The following PIP4K2A variants were observed in gnomAD, a reference collection of about 807,000 sequenced individuals.
PIP4K2A encodes the protein phosphatidylinositol-5-phosphate 4-kinase type 2 alpha.
In PIP4K2A, 14 loss-of-function variants were observed where a neutral mutation model predicts 42.9. The ratio of observed to expected loss-of-function variants is 0.33; its 90% CI spans 0.22 to 0.51. The LOEUF is 0.51. Ranked by LOEUF, PIP4K2A falls within the 20% of genes least tolerant of loss-of-function variation. PIP4K2A has a pLI of 0.97. For synonymous variants in PIP4K2A, 192 were observed against 192.2 expected, an observed-to-expected ratio of 1.00 and a Z score of 0.01; for missense variants, 434 against 519.8, an observed-to-expected ratio of 0.83 and a Z score of 1.61.
chr10:22,631,430 AG>A (rs1180787963), intron 1 of PIP4K2A, among the ~76,000 whole-genome samples: 1 of 152,160 alleles, frequency 6.6e-6, no homozygotes, highest in Non-Finnish European at 1.5e-5. Flanking sequence ...ATGTGAGGAC[AG>A]GGGCAGAAGG....
intron 1 of PIP4K2A, among the ~76,000 whole-genome samples, chr10:22,651,429 C>T (rs928699060): frequency 1.3e-5 from 2 of 152,202 alleles, no homozygotes; most frequent in Non-Finnish European, 2.9e-5. Context: ...CCTTTCACTC[C>T]GATCACCCCG....
chr10:22,679,131 G>C (rs1263522294), intron 1 of PIP4K2A, among the ~76,000 whole-genome samples: 1 of 152,144 alleles, frequency 6.6e-6, no homozygotes, highest in Non-Finnish European at 1.5e-5. Context: ...TACTATCAAA[G>C]TGAAAAGAAA....
rs1837517578 is a variant in PIP4K2A, at chr10:22,591,751, T to C, written c.370A>G (p.Asn124Asp). ...GCTCCACTGCGGGCCTGGGAGTCGT[T>C]GGGGAGGGGTGCGCTCCTGGTCAGG... ...NSLTRSAPLP[N>D]DSQARSGARF... The change falls in exon 4 of 10, where the codon AAC becomes GAC. Residue 124 changes from asparagine (N) to aspartate (D), a missense_variant. Transcript: ENST00000376573. The C allele has an allele frequency of 6.2e-7, 1 of 1,612,726 alleles. No homozygotes were observed. Among genetic ancestry groups the C allele is most frequent in the South Asian group, 1.1e-5 (1 of 90,872 alleles).
chr10:22,595,920 A>C (rs1837623782), intron 3 of PIP4K2A, among the ~76,000 whole-genome samples: 1 of 151,806 alleles, frequency 6.6e-6, no homozygotes, highest in African/African-American at 2.4e-5. Context: ...AAATGGATTT[A>C]CTCAGCCGGG....
chr10:22,704,272 G>A (rs1187237096), intron 1 of PIP4K2A, among the ~76,000 whole-genome samples: 1 of 152,070 alleles, frequency 6.6e-6, no homozygotes, highest in Non-Finnish European at 1.5e-5. Context: ...AGTGGCTAGT[G>A]AAGCAGAAGG....
intron 1 of PIP4K2A, among the ~76,000 whole-genome samples, chr10:22,623,424 T>C (rs933277586): frequency 6.6e-6 from 1 of 152,084 alleles, no homozygotes; most frequent in Admixed American, 6.5e-5. Context: ...GTCGCAAGGG[T>C]CTTCCACAAG....
intron 3 of PIP4K2A, among the ~76,000 whole-genome samples, chr10:22,606,195 T>C (rs896470992): frequency 6.6e-6 from 1 of 151,098 alleles, no homozygotes; most frequent in Admixed American, 6.6e-5. Flanking sequence ...CCTGTAGTCC[T>C]AGCTACTCTG....
intron 5 of PIP4K2A, 150 bp downstream of exon 5, chr10:22,573,161 A>G: frequency 1.5e-6 from 1 of 668,082 alleles, no homozygotes; most frequent in South Asian, 1.9e-5. Context: ...GCAAGCACTT[A>G]TTGCCTCACA....
chr10:22,711,989 T>C (rs1370388725), intron 1 of PIP4K2A, among the ~76,000 whole-genome samples: 1 of 152,204 alleles, frequency 6.6e-6, no homozygotes, highest in Non-Finnish European at 1.5e-5. Flanking sequence ...GATAAAAATA[T>C]TAGAGGTGTT....
intron 4 of PIP4K2A, among the ~76,000 whole-genome samples, chr10:22,582,405 T>C (rs927938913): frequency 1.3e-5 from 2 of 152,020 alleles, no homozygotes; most frequent in Non-Finnish European, 1.5e-5. Flanking sequence ...TGACTGAAGG[T>C]TGAAGCAGAA....
At chr10:22,607,138 TGGATTTCCACTTTTAAAAAAAATCCTTA>T in intron 3 of PIP4K2A, among the ~76,000 whole-genome samples, 1 of 152,220 alleles carries the variant, frequency 6.6e-6, no homozygotes, top group Non-Finnish European at 1.5e-5. Context: ...ACCTGTCCCT[TGGATTTCCACTTTTAAAAAAAATCCTTA>T]GCATTTACGA....
intron 1 of PIP4K2A, among the ~76,000 whole-genome samples, chr10:22,645,556 AAAAAAAAAAGAAAAG>A (rs1838862065): frequency 6.6e-6 from 1 of 151,660 alleles, no homozygotes; most frequent in Non-Finnish European, 1.5e-5. Context: ...CTTTAAAAAA[AAAAAAAAAAGAAAAG>A]AAAAGAAAAG....
chr10:22,666,883 C>A (rs1839363334), intron 1 of PIP4K2A, among the ~76,000 whole-genome samples: 1 of 152,204 alleles, frequency 6.6e-6, no homozygotes, highest in Non-Finnish European at 1.5e-5. Context: ...GAACAACCAA[C>A]ATCCACATCT....
intron 1 of PIP4K2A, among the ~76,000 whole-genome samples, chr10:22,638,346 T>C (rs747204229): frequency 1.4e-4 from 21 of 152,230 alleles, no homozygotes; most frequent in Non-Finnish European, 2.5e-4. Flanking sequence ...GTCTCCATAT[T>C]AAGTTTCTAT....
At chr10:22,618,352 C>A (rs570490294) in intron 1 of PIP4K2A, among the ~76,000 whole-genome samples, 70 of 152,262 alleles carry the variant, frequency 4.6e-4, no homozygotes, top group Middle Eastern at 6.8e-3. Flanking sequence ...AATTTCTGCC[C>A]TGAGGTTCAT....
chr10:22,558,597 C>T (rs1305601070), intron 6 of PIP4K2A, among the ~76,000 whole-genome samples: 1 of 152,160 alleles, frequency 6.6e-6, no homozygotes, highest in Non-Finnish European at 1.5e-5. Flanking sequence ...CATATGCCAA[C>T]CTCCTTTAAC....
intron 1 of PIP4K2A, among the ~76,000 whole-genome samples, chr10:22,664,117 A>G (rs187908653): frequency 0.012 from 703 of 58,334 alleles, 37 homozygotes; most frequent in African/African-American, 0.096. Context: ...ATATATATAC[A>G]TATATATATA....
chr10:22,662,958 G>T (rs1839234234), intron 1 of PIP4K2A, among the ~76,000 whole-genome samples: 1 of 152,242 alleles, frequency 6.6e-6, no homozygotes, highest in South Asian at 2.1e-4. Flanking sequence ...AACGTCTGGT[G>T]TGTGTCGCCC....
rs554789185 is a variant in PIP4K2A at position 22,558,016 on chromosome 10, G to A, written c.679-7244C>T. The stretch of plus-strand genomic sequence containing the variant: ...TCTGTGATTAAAGGACTTGTATTTC[G>A]GAATGAATTTTTTGTTTGATATGCT... On this transcript the variant is annotated intron_variant, in intron 6 of 9. Transcript: ENST00000376573. Among the ~76,000 whole-genome samples the A allele has an allele frequency of 7.2e-5, 11 of 152,208 alleles. No homozygotes were observed. In the South Asian group the frequency reaches 8.3e-4, roughly 11 times the overall value.
Sources: allele counts gnomAD v4.1 joint callset (sites outside exome capture counted in the v4.1 genomes callset), GRCh38; gene constraint gnomAD v4.1.1; transcripts MANE v1.5; gene names NCBI Gene and HGNC (gene_info 2026-07-23, HGNC 2026-07-21).